The following MAP3K4 variants were observed in gnomAD, a reference collection of about 807,000 sequenced individuals.
MAP3K4 encodes MAP three kinase 1.
MAP3K4 carries 67 observed loss-of-function variants against 185.6 expected under a neutral mutation model. The observed-to-expected ratio is 0.36, with a 90% CI of 0.30 to 0.44. MAP3K4 has a LOEUF of 0.44. Among genes scored for constraint, MAP3K4 ranks in the 20% least tolerant of loss-of-function variants. MAP3K4 has a pLI of 1.00. For synonymous variants in MAP3K4, 702 were observed against 710.4 expected (o/e 0.99, Z 0.19); for missense variants, 1,551 against 1,995.1 (o/e 0.78, Z 4.24).
intron 2 of MAP3K4, among the ~76,000 whole-genome samples, chr6:161,042,986 G>T (rs1783559116): frequency 6.6e-6 from 1 of 152,074 alleles, no homozygotes; most frequent in African/African-American, 2.4e-5. Context: ...GTGCATGCAT[G>T]CGTGTGCCTA....
rs987565876 is a variant in MAP3K4, at chr6:161,056,119, C to G, written c.1707+6140C>G. 1.8e-4 allele frequency among the ~76,000 whole-genome samples: 28 copies of G among 152,262 alleles called. No homozygotes were observed. The highest frequency in any genetic ancestry group is 6.7e-4 in the African/African-American group (28 of 41,550). ...AGCCCATTGGAGCTCTTTCAGTTGCCTTCTGTGTCGTTTGATATGCTCCCC... is the reference window on the plus strand; with the variant it reads ...AGCCCATTGGAGCTCTTTCAGTTGCGTTCTGTGTCGTTTGATATGCTCCCC... On this transcript the variant is annotated intron_variant, in intron 3 of 26. Transcript: ENST00000392142. The surrounding 1 kb of genome is among the most constrained non-coding windows in gnomAD (Gnocchi z 5.4).
At position 161,097,685 on chromosome 6, in the gene MAP3K4, C is replaced by T. The variant is rs1284597990; in HGVS notation, c.3524+509C>T. On this transcript the variant is annotated intron_variant, in intron 16 of 26. Transcript: ENST00000392142. The surrounding 1 kb of genome is among the most constrained non-coding windows in gnomAD (Gnocchi z 4.9). The stretch of plus-strand genomic sequence containing the variant: ...CTTGAATGTGGTGGCATTTCTGCAT[C>T]TTGAGGTAGTGAGCACCTTCTCTCG... Among the ~76,000 whole-genome samples the T allele has an allele frequency of 6.6e-6, 1 of 152,148 alleles. No individual in the cohort carries two copies. Among genetic ancestry groups the T allele is most frequent in the African/African-American group, 2.4e-5 (1 of 41,428 alleles).
Position 161,047,240 on chromosome 6 carries a change from G to C in MAP3K4, c.344-1376G>C, listed in dbSNP as rs554378792. ...AGGATTGTTTGAGCCCAGGAATTTGGGACCAGCTTAGGAAACATAGTGGGA... is the reference window on the plus strand; with the variant it reads ...AGGATTGTTTGAGCCCAGGAATTTGCGACCAGCTTAGGAAACATAGTGGGA... On this transcript the variant is annotated intron_variant, in intron 2 of 26. Transcript: ENST00000392142. Among the ~76,000 whole-genome samples the C allele has an allele frequency of 2.0e-5, 3 of 147,674 alleles. No individual in the cohort carries two copies. In the Admixed American group the frequency reaches 2.1e-4, roughly 10 times the overall value.
chr6:161,020,457 A>G (rs1782327879), intron 1 of MAP3K4, among the ~76,000 whole-genome samples: 1 of 152,080 alleles, frequency 6.6e-6, no homozygotes, highest in Non-Finnish European at 1.5e-5. Flanking sequence ...TAGGAGATTG[A>G]GACCATCCTG....
At position 161,093,311 on chromosome 6, in the gene MAP3K4, T is replaced by G. The variant is rs151086228; in HGVS notation, c.3348+255T>G. ...GGCCCTTCTAAAATATTTGTGAGAT[T>G]TATATTTTTACTGCCATCATAGCTG... On this transcript the variant is annotated intron_variant, in intron 14 of 26. Coordinates refer to ENST00000392142, the MANE Select transcript of MAP3K4 (RefSeq NM_005922.4). The surrounding 1 kb of genome is among the most constrained non-coding windows in gnomAD (Gnocchi z 5.2). 1.3e-5 allele frequency among the ~76,000 whole-genome samples: 2 copies of G among 152,336 alleles called. No homozygotes were observed. The highest frequency in any genetic ancestry group is 4.8e-5 in the African/African-American group (2 of 41,568).
At chr6:161,058,777 G>T (rs1784359851) in intron 3 of MAP3K4, among the ~76,000 whole-genome samples, 1 of 150,172 alleles carries the variant, frequency 6.7e-6, no homozygotes, top group Non-Finnish European at 1.5e-5. Flanking sequence ...TATATATATA[G>T]CTCTCGTTGT....
Position 161,070,930 on chromosome 6 carries a change from CT to C in MAP3K4, c.1950+89del, listed in dbSNP as rs957668424. On this transcript the variant is annotated intron_variant, in intron 4 of 26. Coordinates refer to ENST00000392142, the MANE Select transcript of MAP3K4 (RefSeq NM_005922.4). This position sits in a 1 kb window ranked among gnomAD's most constrained non-coding sequence, Gnocchi z 4.5. ...CTTATCATTTTTATTTTGAGAGTTCCTTTTTTTTTCTTAATTGTCGCAAATA... is the reference window on the plus strand; with the variant it reads ...CTTATCATTTTTATTTTGAGAGTTCCTTTTTTTTCTTAATTGTCGCAAATA... 105 of 1,254,326 alleles carry C rather than the reference CT, an allele frequency of 8.4e-5. No homozygotes were observed. The highest frequency in any genetic ancestry group is 1.2e-4 in the South Asian group (7 of 59,278). 77.7% of individuals were successfully genotyped at this position (1,254,326 alleles called of 1,614,324 possible).
chr6:161,098,519 T>G lies in MAP3K4; in HGVS notation c.3674+92T>G, dbSNP rs1777682427. 13 of 1,442,492 alleles carry G rather than the reference T, an allele frequency of 9.0e-6. No individual in the cohort carries two copies. The highest frequency in any genetic ancestry group is 1.2e-5 in the Non-Finnish European group (13 of 1,079,276). The allele number at this position is 1,442,492 out of a possible 1,614,324, so 89.4% of individuals were successfully genotyped here. ...GTGTTAGGGTGTGTGCCGGCTGTGG[T>G]TGGGCTTCTTTGCTGTGGCGTGTGA... On this transcript the variant is annotated intron_variant, in intron 17 of 26. Coordinates refer to ENST00000392142, the MANE Select transcript of MAP3K4 (RefSeq NM_005922.4). The surrounding 1 kb of genome is among the most constrained non-coding windows in gnomAD (Gnocchi z 4.4).
At chr6:161,113,330 A>G (rs1272728887) in intron 25 of MAP3K4, among the ~76,000 whole-genome samples, 18 of 152,206 alleles carry the variant, frequency 1.2e-4, no homozygotes, top group Non-Finnish European at 2.5e-4. Context: ...AGGCAAAACC[A>G]CAGGGACAGT....
rs144235046 is a variant in MAP3K4, at chr6:161,098,400, A to G, written c.3647A>G (p.Lys1216Arg). Residue 1216 changes from lysine (K) to arginine (R), a missense_variant, in exon 17 of 27, where the codon AAA (lysine) becomes AGA (arginine). By Grantham distance (26) the Lys-to-Arg change is conservative. This residue lies in a region of MAP3K4 where 272 missense variants were observed against 301.2 expected (regional missense o/e 0.90). Coordinates refer to ENST00000392142, the MANE Select transcript of MAP3K4 (RefSeq NM_005922.4). The surrounding 1 kb of genome is among the most constrained non-coding windows in gnomAD (Gnocchi z 4.4). ...SPSGGDSVLP[K>R]SISSAHDTRG... ...TCTGGTGGTGACTCTGTGCTGCCCA[A>G]ATCCATCAGCAGTGCCCATGATACC... 3.7e-6 allele frequency: 6 copies of G among 1,613,594 alleles called. No individual in the cohort carries two copies. In the African/African-American group the frequency reaches 5.3e-5, roughly 14 times the overall value.
rs1220879435 is a variant in MAP3K4 at position 161,049,255 on chromosome 6, C to T, written c.983C>T (p.Ala328Val). ...ACTTCAGTAGAAGGGCAGTGCAAAGCCACTCCTGGAACAAAGATTGTAGGT... is the reference window on the plus strand; with the variant it reads ...ACTTCAGTAGAAGGGCAGTGCAAAGTCACTCCTGGAACAAAGATTGTAGGT... Reference protein sequence around the residue: ...NGTSVEGQCKATPGTKIVGYS... With the variant: ...NGTSVEGQCKVTPGTKIVGYS... Residue 328 changes from alanine to valine, a missense_variant, in exon 3 of 27, where the codon GCC becomes GTC. Coordinates refer to ENST00000392142, the MANE Select transcript of MAP3K4 (RefSeq NM_005922.4). This position sits in a 1 kb window ranked among gnomAD's most constrained non-coding sequence, Gnocchi z 8.4. 1.2e-6 allele frequency: 2 copies of T among 1,614,106 alleles called. No homozygotes were observed. The highest frequency in any genetic ancestry group is 1.7e-6 in the Non-Finnish European group (2 of 1,179,998).
rs1027904087 is a variant in MAP3K4, at chr6:161,073,137, T to C, written c.1951-329T>C. Among the ~76,000 whole-genome samples, 1 of 152,210 alleles carries C rather than the reference T, an allele frequency of 6.6e-6. No individual in the cohort carries two copies. The highest frequency in any genetic ancestry group is 2.4e-5 in the African/African-American group (1 of 41,450). ...CTTGTAATGTAAATTAGTAGAAAAA[T>C]TGATTTTATTCTATGGGATTTACTT... On this transcript the variant is annotated intron_variant, in intron 4 of 26. Coordinates refer to ENST00000392142, the MANE Select transcript of MAP3K4 (RefSeq NM_005922.4). The surrounding 1 kb of genome is among the most constrained non-coding windows in gnomAD (Gnocchi z 4.2).
rs1047380709 is a variant in MAP3K4 at position 161,037,614 on chromosome 6, C to T, written c.343+3165C>T. Among the ~76,000 whole-genome samples the T allele has an allele frequency of 6.6e-6, 1 of 152,070 alleles. No individual in the cohort carries two copies. Among genetic ancestry groups the T allele is most frequent in the Non-Finnish European group, 1.5e-5 (1 of 68,016 alleles). On this transcript the variant is annotated intron_variant, in intron 2 of 26. Transcript: ENST00000392142. This position sits in a 1 kb window ranked among gnomAD's most constrained non-coding sequence, Gnocchi z 4.2. Reference sequence around the variant, plus strand: ...TGTATTTTTGGTAGAGACGATGTTTCGCTATGTTGGCCAGGCTGGTCTCGA... The same window carrying T: ...TGTATTTTTGGTAGAGACGATGTTTTGCTATGTTGGCCAGGCTGGTCTCGA...
chr6:161,015,372 A>G (rs1782044454), intron 1 of MAP3K4, among the ~76,000 whole-genome samples: 2 of 152,056 alleles, frequency 1.3e-5, no homozygotes, highest in South Asian at 2.1e-4. Context: ...TACCTAGGTG[A>G]TGGGTCGATC....
chr6:161,006,031 C>T (rs1405191792), intron 1 of MAP3K4, among the ~76,000 whole-genome samples: 1 of 152,222 alleles, frequency 6.6e-6, no homozygotes, highest in South Asian at 2.1e-4. Context: ...CATGATCCCC[C>T]CACCTTGGCC....
At chr6:161,015,962 C>T (rs904903359) in intron 1 of MAP3K4, among the ~76,000 whole-genome samples, 3 of 152,172 alleles carry the variant, frequency 2.0e-5, no homozygotes, top group African/African-American at 7.2e-5. Context: ...TTGATGGACA[C>T]TGGATTGTTT....
intron 1 of MAP3K4, among the ~76,000 whole-genome samples, chr6:160,995,039 G>C (rs1310703208): frequency 6.6e-6 from 1 of 152,140 alleles, no homozygotes; most frequent in East Asian, 1.9e-4. Flanking sequence ...CACAGTAGTT[G>C]TACTAGTTTA....
chr6:161,044,556 C>G (rs746036691), intron 2 of MAP3K4, among the ~76,000 whole-genome samples: 104 of 152,278 alleles, frequency 6.8e-4, no homozygotes, highest in Non-Finnish European at 4.3e-4. Flanking sequence ...TCTCAGATCT[C>G]CCTTAAGTCA....
chr6:161,001,190 C>G (rs1245741803), intron 1 of MAP3K4, among the ~76,000 whole-genome samples: 2 of 147,522 alleles, frequency 1.4e-5, no homozygotes, highest in Non-Finnish European at 3.0e-5. Context: ...ATAAGAAATC[C>G]AAATCCAAAT....
Sources: gnomAD v4.1 joint callset for allele counts (sites outside exome capture counted in the v4.1 genomes callset) on GRCh38, gnomAD v4.1.1 for gene constraint, gnomAD v4.1.1 regional missense constraint, Gnocchi (gnomAD v3.1) non-coding constraint, MANE v1.5 for transcripts, NCBI Gene and HGNC (gene_info 2026-07-23, HGNC 2026-07-21) for gene names.